Variants in OPCML observed in about 807,000 individuals in gnomAD.
OPCML encodes the protein opioid-binding protein/cell adhesion molecule.
OPCML carries 13 observed loss-of-function variants against 37.8 expected under a neutral mutation model. The observed-to-expected ratio is 0.34, with a 90% CI of 0.22 to 0.55. OPCML has a LOEUF of 0.55. Among genes scored for constraint, OPCML ranks in the 20% least tolerant of loss-of-function variants. The probability of loss-of-function intolerance (pLI) is 0.91; values close to 1 mark genes in which losing one functional copy is unlikely to be tolerated. For missense variants in OPCML, 341 were observed against 435.6 expected (o/e 0.78, Z 1.93); for synonymous variants, 176 against 168.8 (o/e 1.04, Z -0.33).
intron 1 of OPCML, among the ~76,000 whole-genome samples, chr11:133,250,950 A>G (rs927824803): frequency 4.6e-5 from 7 of 152,066 alleles, no homozygotes; most frequent in Admixed American, 1.3e-4. Context: ...CACACCAAGC[A>G]GGAGGAGGAA....
At chr11:132,663,609 G>A (rs532012483) in intron 2 of OPCML, among the ~76,000 whole-genome samples, 1 of 152,302 alleles carries the variant, frequency 6.6e-6, no homozygotes, top group South Asian at 2.1e-4. Context: ...CAAAAATACA[G>A]AGGTGACTGG....
chr11:133,244,113 T>G (rs1010248477), intron 1 of OPCML, among the ~76,000 whole-genome samples: 2 of 152,124 alleles, frequency 1.3e-5, no homozygotes, highest in African/African-American at 4.8e-5. Flanking sequence ...ATGGGGCAGG[T>G]GCAATAGCAC....
chr11:132,991,930 C>T (rs996333437), intron 1 of OPCML, among the ~76,000 whole-genome samples: 4 of 128,272 alleles, frequency 3.1e-5, no homozygotes, highest in Non-Finnish European at 6.7e-5. Flanking sequence ...TGTAGGATCT[C>T]GGTGTTTACA....
intron 4 of OPCML, among the ~76,000 whole-genome samples, chr11:132,487,563 C>A (rs1026048158): frequency 6.6e-6 from 1 of 152,206 alleles, no homozygotes; most frequent in African/African-American, 2.4e-5. Flanking sequence ...CTCATTCTTG[C>A]TTTTCTCGTG....
chr11:132,421,111 C>A lies in OPCML; in HGVS notation c.917-818G>T, dbSNP rs560671434. On this transcript the variant is annotated intron_variant, in intron 7 of 7. Transcript: ENST00000524381. ...CCTCACCTTCCATGGCTCAAGAAGA[C>A]AAATCACATGAATTGGTATTATCCT... 8.5e-4 allele frequency among the ~76,000 whole-genome samples: 130 copies of A among 152,182 alleles called. 1 individual carries two copies. Among genetic ancestry groups the A allele is most frequent in the Admixed American group, 1.6e-3 (24 of 15,284 alleles).
intron 1 of OPCML, among the ~76,000 whole-genome samples, chr11:133,317,413 T>C (rs746463495): frequency 6.6e-6 from 1 of 152,196 alleles, no homozygotes; most frequent in African/African-American, 2.4e-5. Context: ...TCCTGATGCA[T>C]AAAATGCACA....
intron 1 of OPCML, among the ~76,000 whole-genome samples, chr11:133,484,030 T>TTAGATAGA (rs71038531): frequency 7.0e-4 from 95 of 134,906 alleles, no homozygotes; most frequent in South Asian, 3.0e-3. Context: ...GATGGACAGA[T>TTAGATAGA]TAGATAGATA....
rs571524892 is a variant in OPCML, at chr11:133,092,602, T to A, written c.62-149592A>T. On this transcript the variant is annotated intron_variant, in intron 1 of 7. Transcript: ENST00000524381. Reference sequence around the variant, plus strand: ...TTAGCTGGGCATGGTGGCGCGCACCTGTAGTCCCAGCTACTCAGGAGGCTG... The same window carrying A: ...TTAGCTGGGCATGGTGGCGCGCACCAGTAGTCCCAGCTACTCAGGAGGCTG... Among the ~76,000 whole-genome samples, 259 of 152,206 alleles carry A rather than the reference T, an allele frequency of 1.7e-3. 1 individual carries two copies. Among genetic ancestry groups the A allele is most frequent in the African/African-American group, 6.0e-3 (249 of 41,522 alleles).
At chr11:132,683,784 C>A (rs1943052574) in intron 2 of OPCML, among the ~76,000 whole-genome samples, 1 of 152,094 alleles carries the variant, frequency 6.6e-6, no homozygotes, top group Admixed American at 6.5e-5. Context: ...TGTGTACATA[C>A]AAAGCAGGTC....
chr11:132,820,515 T>C (rs1003397190), intron 2 of OPCML, among the ~76,000 whole-genome samples: 2 of 152,158 alleles, frequency 1.3e-5, no homozygotes, highest in Non-Finnish European at 2.9e-5. Context: ...TGTATGTGTG[T>C]GTGTGTGTGT....
intron 1 of OPCML, among the ~76,000 whole-genome samples, chr11:133,283,054 G>T (rs1003468206): frequency 1.1e-4 from 16 of 152,192 alleles, no homozygotes; most frequent in African/African-American, 2.4e-5. Flanking sequence ...TAGGACTTTG[G>T]ACTTGATGTT....
At chr11:132,923,491 A>C (rs1035764957) in intron 2 of OPCML, among the ~76,000 whole-genome samples, 5 of 152,240 alleles carry the variant, frequency 3.3e-5, no homozygotes, top group Non-Finnish European at 7.3e-5. Context: ...GATCTGAAAG[A>C]TGAGTAAGAC....
chr11:133,104,692 C>T (rs920670390), intron 1 of OPCML, among the ~76,000 whole-genome samples: 4 of 152,192 alleles, frequency 2.6e-5, no homozygotes, highest in Non-Finnish European at 4.4e-5. Context: ...TGAAAAGGGC[C>T]TATAAATGCC....
intron 1 of OPCML, among the ~76,000 whole-genome samples, chr11:133,404,621 G>A (rs1016218968): frequency 6.6e-6 from 1 of 152,236 alleles, no homozygotes; most frequent in East Asian, 1.9e-4. Context: ...AGAGCTTGTA[G>A]AGAAGAGGTC....
chr11:132,876,647 C>G (rs1434149396), intron 2 of OPCML, among the ~76,000 whole-genome samples: 8 of 152,150 alleles, frequency 5.3e-5, no homozygotes, highest in East Asian at 3.9e-4. Flanking sequence ...AAATCTATAT[C>G]TAATATAAAT....
chr11:132,932,337 G>A (rs185794371), intron 2 of OPCML, among the ~76,000 whole-genome samples: 1 of 152,220 alleles, frequency 6.6e-6, no homozygotes, highest in East Asian at 1.9e-4. Context: ...AATAAAAACA[G>A]GGGCATGGAG....
chr11:133,514,983 C>T (rs1057173119), intron 1 of OPCML, among the ~76,000 whole-genome samples: 2 of 152,168 alleles, frequency 1.3e-5, no homozygotes, highest in Non-Finnish European at 2.9e-5. Flanking sequence ...TAGAACAACC[C>T]TACTATTATA....
intron 3 of OPCML, among the ~76,000 whole-genome samples, chr11:132,582,420 A>G (rs1190041725): frequency 6.6e-6 from 1 of 152,148 alleles, no homozygotes; most frequent in Admixed American, 6.5e-5. Context: ...CACATAGCAA[A>G]AAAGTTTAAA....
At chr11:132,474,877 T>C (rs2096150025) in intron 4 of OPCML, among the ~76,000 whole-genome samples, 1 of 152,192 alleles carries the variant, frequency 6.6e-6, no homozygotes, top group Non-Finnish European at 1.5e-5. Flanking sequence ...ACCTCAACTG[T>C]GTGGCCACCT....
Sources: gnomAD v4.1 joint callset for allele counts (sites outside exome capture counted in the v4.1 genomes callset) on GRCh38, gnomAD v4.1.1 for gene constraint, MANE v1.5 for transcripts, NCBI Gene and HGNC (gene_info 2026-07-23, HGNC 2026-07-21) for gene names.